The following ARHGEF3 variants were observed in gnomAD, a reference collection of about 807,000 sequenced individuals.
The protein encoded by ARHGEF3 is Rho guanine nucleotide exchange factor 3.
In ARHGEF3, 28 loss-of-function variants were observed where a neutral mutation model predicts 63.2. The observed-to-expected ratio is 0.44, with a 90% CI of 0.33 to 0.61. The LOEUF (loss-of-function observed/expected upper bound fraction) is 0.61. Ranked by LOEUF, ARHGEF3 falls within the 20% of genes least tolerant of loss-of-function variation. The pLI is 0.03. For missense variants in ARHGEF3, 533 were observed against 659.3 expected, an observed-to-expected ratio of 0.81 and a Z score of 2.10; for synonymous variants, 266 against 254.2, an observed-to-expected ratio of 1.05 and a Z score of -0.44.
intron 4 of ARHGEF3, among the ~76,000 whole-genome samples, chr3:56,834,400 T>G (rs1161851718): frequency 6.6e-6 from 1 of 152,062 alleles, no homozygotes; most frequent in Non-Finnish European, 1.5e-5. Context: ...ACTATATATC[T>G]AATAACGGTG....
intron 4 of ARHGEF3, among the ~76,000 whole-genome samples, chr3:56,844,273 A>G (rs2039411689): frequency 6.6e-6 from 1 of 152,220 alleles, no homozygotes; most frequent in Non-Finnish European, 1.5e-5. Flanking sequence ...AGGGAAATTG[A>G]GACAGAAAGA....
intron 2 of ARHGEF3, among the ~76,000 whole-genome samples, chr3:56,997,112 C>A (rs1702025964): frequency 6.6e-6 from 1 of 151,958 alleles, no homozygotes; most frequent in African/African-American, 2.4e-5. Context: ...GGGCCTCCAG[C>A]CCTGCAGAAG....
chr3:56,758,867 A>G (rs916484950), intron 2 of ARHGEF3, among the ~76,000 whole-genome samples: 1 of 152,226 alleles, frequency 6.6e-6, no homozygotes, highest in Non-Finnish European at 1.5e-5. Flanking sequence ...AGCTGAGTTA[A>G]GAATTAAAGA....
intron 4 of ARHGEF3, among the ~76,000 whole-genome samples, chr3:56,832,552 T>C (rs938562490): frequency 6.6e-6 from 1 of 152,236 alleles, no homozygotes; most frequent in Non-Finnish European, 1.5e-5. Context: ...GGAATAGATA[T>C]ATATCCTACC....
chr3:56,750,035 C>T (rs2107752215), intron 6 of ARHGEF3, among the ~76,000 whole-genome samples: 1 of 152,328 alleles, frequency 6.6e-6, no homozygotes, highest in South Asian at 2.1e-4. Flanking sequence ...ACAACACTCT[C>T]CAAACAGTGA....
At chr3:56,916,607 A>T (rs1349462600) in intron 3 of ARHGEF3, 1 of 799,498 alleles carries the variant, frequency 1.3e-6, no homozygotes. Flanking sequence ...CCAGAAGTTC[A>T]GTTTCTGACT....
At chr3:56,837,828 T>A (rs2039168378) in intron 4 of ARHGEF3, among the ~76,000 whole-genome samples, 1 of 152,158 alleles carries the variant, frequency 6.6e-6, no homozygotes, top group Admixed American at 6.5e-5. Context: ...TCCTGTGCCA[T>A]CATGTGCACA....
At chr3:56,916,428 CAT>C in intron 3 of ARHGEF3, 1 of 1,458,904 alleles carries the variant, frequency 6.9e-7, no homozygotes, top group Non-Finnish European at 9.0e-7. Flanking sequence ...CAGGGCTGAG[CAT>C]AGTTTCCCTG....
chr3:57,065,499 T>G (rs1705478978), intron 1 of ARHGEF3, among the ~76,000 whole-genome samples: 1 of 152,054 alleles, frequency 6.6e-6, no homozygotes, highest in African/African-American at 2.4e-5. Context: ...AAAGAAAAAC[T>G]GTATTTTAGG....
chr3:57,049,239 C>T (rs142752636), intron 1 of ARHGEF3, among the ~76,000 whole-genome samples: 321 of 152,244 alleles, frequency 2.1e-3, no homozygotes, highest in Non-Finnish European at 3.2e-3. Flanking sequence ...TATGGTGATG[C>T]ATGCCTGTAG....
intron 1 of ARHGEF3, among the ~76,000 whole-genome samples, chr3:57,077,554 G>T (rs929015801): frequency 1.1e-4 from 16 of 152,172 alleles, no homozygotes; most frequent in African/African-American, 3.9e-4. Context: ...TGCAGACCAG[G>T]AAAACTCTAC....
Position 56,818,556 on chromosome 3 carries a change from G to A in ARHGEF3, c.193-44740C>T, listed in dbSNP as rs76709058. ...CCTGGATCAAACTGATAGAAGTTGA[G>A]CTGCTGCTCAAGATGTATGAATATC... On this transcript the variant is annotated intron_variant, in intron 4 of 12. Coordinates refer to the ARHGEF3 transcript ENST00000338458. Among the ~76,000 whole-genome samples, 652 of 152,340 alleles carry A rather than the reference G, an allele frequency of 4.3e-3. 7 individuals are homozygous for A. Among genetic ancestry groups the A allele is most frequent in the African/African-American group, 0.015 (615 of 41,578 alleles).
At chr3:56,765,911 A>T (rs560502835) in intron 2 of ARHGEF3, among the ~76,000 whole-genome samples, 1 of 152,268 alleles carries the variant, frequency 6.6e-6, no homozygotes, top group Admixed American at 6.5e-5. Flanking sequence ...TTCATTTGTA[A>T]TTCTTACATA....
chr3:56,814,233 AG>A (rs1289340721), intron 4 of ARHGEF3, among the ~76,000 whole-genome samples: 1 of 152,234 alleles, frequency 6.6e-6, no homozygotes, highest in Non-Finnish European at 1.5e-5. Flanking sequence ...CATGCATCCC[AG>A]GATGGCTTTG....
At chr3:57,002,479 T>TTATATATATATATATGTTTTATA in intron 2 of ARHGEF3, among the ~76,000 whole-genome samples, 2 of 39,466 alleles carry the variant, frequency 5.1e-5, no homozygotes, top group East Asian at 1.6e-3. Flanking sequence ...TATATATATG[T>TTATATATATATATATGTTTTATA]TATATATATA....
intron 3 of ARHGEF3, among the ~76,000 whole-genome samples, chr3:56,884,096 A>G (rs1002814311): frequency 2.0e-5 from 3 of 152,214 alleles, no homozygotes; most frequent in African/African-American, 7.2e-5. Flanking sequence ...CTATAATGCA[A>G]TAAGAGCCAA....
intron 1 of ARHGEF3, among the ~76,000 whole-genome samples, chr3:57,077,694 G>A (rs558087833): frequency 6.6e-6 from 1 of 152,182 alleles, no homozygotes; most frequent in Admixed American, 6.5e-5. Flanking sequence ...GAGACCCAAG[G>A]CTTAAAAGAA....
chr3:57,074,751 G>A (rs1049681955), intron 1 of ARHGEF3: 3 of 181,722 alleles, frequency 1.7e-5, no homozygotes, highest in South Asian at 3.1e-4. Context: ...CACTGCCAGG[G>A]TAGGTGCAGT....
intron 4 of ARHGEF3, among the ~76,000 whole-genome samples, chr3:56,751,785 A>G (rs886428427): frequency 6.6e-6 from 1 of 152,218 alleles, no homozygotes; most frequent in African/African-American, 2.4e-5. Context: ...CAATTAGTAC[A>G]TATTTAAAAT....
Sources: allele counts gnomAD v4.1 joint callset (sites outside exome capture counted in the v4.1 genomes callset), GRCh38; gene constraint gnomAD v4.1.1; transcripts MANE v1.5; gene names NCBI Gene and HGNC (gene_info 2026-07-23, HGNC 2026-07-21).